Variants in WLS observed in about 807,000 individuals in gnomAD.
WLS encodes the protein protein wntless homolog.
A neutral mutation model predicts 62.8 loss-of-function variants in WLS; 23 were observed. The ratio of observed to expected loss-of-function variants is 0.37; its 90% CI spans 0.26 to 0.52. The LOEUF (loss-of-function observed/expected upper bound fraction) is 0.52. WLS is among the 20% of genes least tolerant of loss of function. WLS has a pLI of 0.92. For synonymous variants in WLS, 246 were observed against 244.1 expected (o/e 1.01, Z -0.07); for missense variants, 615 against 697.3 (o/e 0.88, Z 1.33).
chr1:68,146,042 G>T (rs746167910), intron 8 of WLS, 30 bp from the exon 9 acceptor site: 1 of 1,609,354 alleles, frequency 6.2e-7, no homozygotes, highest in East Asian at 2.2e-5. Context: ...GAAACAACGG[G>T]CTAGCCAAGG....
intron 1 of WLS, among the ~76,000 whole-genome samples, chr1:68,207,010 C>T (rs147375486): frequency 2.0e-5 from 3 of 152,266 alleles, no homozygotes; most frequent in African/African-American, 7.2e-5. Context: ...CGTTCTGTTA[C>T]TGTTTGGGAT....
At chr1:68,175,948 C>T (rs1415352367) in intron 2 of WLS, among the ~76,000 whole-genome samples, 2 of 152,176 alleles carry the variant, frequency 1.3e-5, no homozygotes, top group Non-Finnish European at 2.9e-5. Context: ...GAAGGGATCC[C>T]GTCTGTTTCA....
chr1:68,137,829 C>T lies in WLS; in HGVS notation c.1467G>A (p.Met489Ile), dbSNP rs142571662. ...GMWNLYVFALMFLYAPSHKNY... is the reference protein window; with the variant it reads ...GMWNLYVFALIFLYAPSHKNY... ...TTTTATGGGATGGTGCATACAAGAACATCAGAGCAAAGACATACAGATTCC... is the reference window on the plus strand; with the variant it reads ...TTTTATGGGATGGTGCATACAAGAATATCAGAGCAAAGACATACAGATTCC... The change falls in exon 11 of 12, where the codon ATG becomes ATA. Residue 489 changes from methionine to isoleucine, a missense_variant. Coordinates refer to ENST00000262348, the MANE Select transcript of WLS (RefSeq NM_024911.7). The T allele has an allele frequency of 5.3e-5, 85 of 1,614,006 alleles. No individual in the cohort carries two copies. The African/African-American group carries it at 9.6e-4, about 18-fold the overall frequency.
intron 1 of WLS, among the ~76,000 whole-genome samples, chr1:68,220,709 G>A (rs1423999755): frequency 6.6e-6 from 1 of 152,072 alleles, no homozygotes; most frequent in Non-Finnish European, 1.5e-5. Context: ...TTTTTATAGC[G>A]TGACTATTTC....
intron 1 of WLS, among the ~76,000 whole-genome samples, chr1:68,231,161 G>A (rs1020399428): frequency 1.3e-5 from 2 of 152,148 alleles, no homozygotes; most frequent in Non-Finnish European, 2.9e-5. Context: ...AGAGAGGCGG[G>A]AGGATGGATG....
downstream of WLS, among the ~76,000 whole-genome samples, chr1:68,123,955 C>T (rs1328316335): frequency 6.7e-6 from 1 of 149,488 alleles, no homozygotes; most frequent in African/African-American, 2.5e-5. Flanking sequence ...TGTCTCTTAG[C>T]TAAGCTTGCT....
intron 10 of WLS, among the ~76,000 whole-genome samples, chr1:68,139,277 T>C (rs146769629): frequency 1.2e-3 from 180 of 152,250 alleles, no homozygotes; most frequent in African/African-American, 4.2e-3. Flanking sequence ...TTTAGGACAA[T>C]GTACCAGCAT....
chr1:68,214,585 CA>C (rs1163419945), intron 1 of WLS, among the ~76,000 whole-genome samples: 1 of 152,092 alleles, frequency 6.6e-6, no homozygotes, highest in Non-Finnish European at 1.5e-5. Flanking sequence ...AGGCTAGTCT[CA>C]AACTCCTGAC....
rs777451767 is a variant in WLS, at chr1:68,159,188, C to T, written c.439G>A (p.Glu147Lys). Residue 147 changes from glutamate (E) to lysine (K), a missense_variant, in exon 3 of 12, where the codon GAG becomes AAG. Glu to Lys is a moderately conservative substitution (Grantham distance 56). Coordinates refer to ENST00000262348, the MANE Select transcript of WLS (RefSeq NM_024911.7). ...CTTTCATGGGCCATTTCAGTCCACT[C>T]AGCAAACGCGTCATCACGGTAAGCC... The part of the protein sequence containing the change: ...SLAYRDDAFA[E>K]WTEMAHERVP... The T allele has an allele frequency of 3.3e-5, 53 of 1,614,002 alleles. No homozygotes were observed. The highest frequency in any genetic ancestry group is 4.2e-5 in the Non-Finnish European group (50 of 1,180,020).
At chr1:68,144,996 A>T (rs1646734466) in intron 9 of WLS, among the ~76,000 whole-genome samples, 1 of 152,218 alleles carries the variant, frequency 6.6e-6, no homozygotes, top group South Asian at 2.1e-4. Flanking sequence ...CTGTGGTTGT[A>T]ATAAAATTCT....
chr1:68,178,705 C>CAAAAAAAAAAAAAAAAAAA (rs376126398), intron 2 of WLS, among the ~76,000 whole-genome samples: 6 of 108,214 alleles, frequency 5.5e-5, no homozygotes, highest in African/African-American at 1.6e-4. Context: ...GACTACATTT[C>CAAAAAAAAAAAAAAAAAAA]AAAAAAAAAA....
rs549543375 is a variant in WLS at position 68,104,579 on chromosome 1, G to T, written c.1511-5826C>A. Among the ~76,000 whole-genome samples, 4 of 152,258 alleles carry T rather than the reference G, an allele frequency of 2.6e-5. No individual in the cohort carries two copies. In the South Asian group the frequency reaches 6.2e-4, roughly 24 times the overall value. Reference sequence around the variant, plus strand: ...CCCTCCTAGCTCCTTGCCTGCTTTTGCTGTCAAGTTTGTGAGTTCACCTTC... The same window carrying T: ...CCCTCCTAGCTCCTTGCCTGCTTTTTCTGTCAAGTTTGTGAGTTCACCTTC... On this transcript the variant is annotated intron_variant, in intron 11 of 11. Transcript: ENST00000354777.
intron 3 of WLS, among the ~76,000 whole-genome samples, chr1:68,156,083 A>T (rs916296542): frequency 5.9e-5 from 9 of 152,062 alleles, no homozygotes; most frequent in Non-Finnish European, 1.2e-4. Flanking sequence ...TTGAAAACTA[A>T]ATTCTGCTCC....
At chr1:68,136,027 T>C (rs959030885) in intron 11 of WLS, among the ~76,000 whole-genome samples, 2 of 152,154 alleles carry the variant, frequency 1.3e-5, no homozygotes, top group African/African-American at 2.4e-5. Context: ...TTGAAACTGA[T>C]TGTAACATGT....
chr1:68,207,343 G>T (rs900356066), intron 1 of WLS, among the ~76,000 whole-genome samples: 2 of 152,156 alleles, frequency 1.3e-5, no homozygotes, highest in Admixed American at 1.3e-4. Context: ...TTTTTAGGAT[G>T]ATAGAAATAA....
chr1:68,158,143 G>C (rs905679727), intron 3 of WLS, among the ~76,000 whole-genome samples: 1 of 152,120 alleles, frequency 6.6e-6, no homozygotes, highest in Non-Finnish European at 1.5e-5. Context: ...TAAACTGAAG[G>C]CCTGTTAAAA....
At chr1:68,223,843 T>C (rs532766067) in intron 1 of WLS, among the ~76,000 whole-genome samples, 3 of 152,316 alleles carry the variant, frequency 2.0e-5, no homozygotes, top group East Asian at 3.9e-4. Context: ...GACGCTGCTT[T>C]GAGACCAGAA....
chr1:68,114,149 T>C (rs1646261581), intron 11 of WLS, among the ~76,000 whole-genome samples: 1 of 152,196 alleles, frequency 6.6e-6, no homozygotes, highest in Non-Finnish European at 1.5e-5. Flanking sequence ...CTGGCAGTTT[T>C]GCTGAGGAAC....
intron 2 of WLS, among the ~76,000 whole-genome samples, chr1:68,193,289 G>A (rs1270046714): frequency 1.3e-5 from 2 of 150,624 alleles, no homozygotes; most frequent in African/African-American, 4.9e-5. Flanking sequence ...TCCTGATACT[G>A]TCCCCAGATG....
Sources: gnomAD v4.1 joint callset for allele counts (sites outside exome capture counted in the v4.1 genomes callset) on GRCh38, gnomAD v4.1.1 for gene constraint, MANE v1.5 for transcripts, NCBI Gene and HGNC (gene_info 2026-07-23, HGNC 2026-07-21) for gene names.